VIRMA: variants seen among roughly 807,000 people sequenced by gnomAD.
VIRMA encodes the protein protein virilizer homolog.
Under a neutral mutation model 182.4 loss-of-function variants are expected in VIRMA, and 65 were observed. The observed-to-expected ratio is 0.36, with a 90% CI of 0.29 to 0.44. The LOEUF is 0.44. VIRMA is among the 20% of genes least tolerant of loss of function. The pLI is 1.00. For missense variants in VIRMA, 1,752 were observed against 2,158.1 expected, an observed-to-expected ratio of 0.81 and a Z score of 3.73; for synonymous variants, 709 against 743.1, an observed-to-expected ratio of 0.95 and a Z score of 0.75.
intron 20 of VIRMA, among the ~76,000 whole-genome samples, chr8:94,494,225 A>G (rs1330050049): frequency 6.6e-6 from 1 of 151,860 alleles, no homozygotes; most frequent in Non-Finnish European, 1.5e-5. Context: ...GAGGCCAAAG[A>G]GAGAGGATTG....
Position 94,526,240 on chromosome 8 carries a change from T to A in VIRMA, c.2004A>T (p.Pro668=). The A allele has an allele frequency of 1.9e-6, 3 of 1,610,050 alleles. No individual in the cohort carries two copies. Among genetic ancestry groups the A allele is most frequent in the Non-Finnish European group, 2.5e-6 (3 of 1,178,152 alleles). Residue 668 remains proline (P), a synonymous_variant, in exon 8 of 24, where the codon CCA becomes CCT. Coordinates refer to ENST00000297591, the MANE Select transcript of VIRMA (RefSeq NM_015496.5). ...RITGPPERDD[P]YPVLFRYLHS... ...TGTCTTACCTAAAGAGAACAGGGTATGGATCATCCCTCTCTGGAGGTCCAG... is the reference window on the plus strand; with the variant it reads ...TGTCTTACCTAAAGAGAACAGGGTAAGGATCATCCCTCTCTGGAGGTCCAG...
chr8:94,495,688 T>TA, intron 19 of VIRMA, 43 bp downstream of exon 19: 1 of 1,572,218 alleles, frequency 6.4e-7, no homozygotes, highest in Non-Finnish European at 8.7e-7. Context: ...ACAGCCATTT[T>TA]AAAACCAACA....
At chr8:94,514,024 A>C (rs906297159) in intron 11 of VIRMA, among the ~76,000 whole-genome samples, 3 of 152,218 alleles carry the variant, frequency 2.0e-5, no homozygotes, top group African/African-American at 7.2e-5. Context: ...AACAATATAC[A>C]AAAATTATTT....
chr8:94,501,147 T>A (rs1165830253), intron 16 of VIRMA, among the ~76,000 whole-genome samples: 1 of 149,322 alleles, frequency 6.7e-6, no homozygotes, highest in Non-Finnish European at 1.5e-5. Context: ...TCCCAGCTAC[T>A]CGGGAGGCTG....
In VIRMA at chr8:94,519,469, G is replaced by C. The variant is rs138508655; in HGVS notation, c.2029C>G (p.His677Asp). The C allele has an allele frequency of 6.6e-7, 1 of 1,522,322 alleles. No homozygotes were observed. The highest frequency in any genetic ancestry group is 8.8e-7 in the Non-Finnish European group (1 of 1,138,936). The allele number at this position is 1,522,322 out of a possible 1,614,324, so 94.3% of individuals were successfully genotyped here. The change falls in exon 9 of 24, where the codon CAC (histidine) becomes GAC (aspartate). Residue 677 changes from histidine (H) to aspartate (D), a missense_variant. By Grantham distance (81) the His-to-Asp change is moderately conservative. Coordinates refer to ENST00000297591, the MANE Select transcript of VIRMA (RefSeq NM_015496.5). Reference sequence around the variant, plus strand: ...ACCAACTCCAAGAAGTGATGACTGTGAAGATATCTGTGGAAGAGTTAATTG... The same window carrying C: ...ACCAACTCCAAGAAGTGATGACTGTCAAGATATCTGTGGAAGAGTTAATTG... ...DPYPVLFRYL[H>D]SHHFLELVTL...
chr8:94,545,830 G>A (rs1192968928), intron 1 of VIRMA, among the ~76,000 whole-genome samples: 2 of 152,254 alleles, frequency 1.3e-5, no homozygotes, highest in South Asian at 2.1e-4. Flanking sequence ...TGAGGCAGGA[G>A]GATCACTTGA....
At chr8:94,510,134 T>G (rs1397696546) in intron 14 of VIRMA, among the ~76,000 whole-genome samples, 194 bp from the exon 15 acceptor site, 1 of 152,208 alleles carries the variant, frequency 6.6e-6, no homozygotes, top group African/African-American at 2.4e-5. Context: ...TCTAATAATA[T>G]ATTTTCTTAA....
intron 1 of VIRMA, among the ~76,000 whole-genome samples, chr8:94,544,362 T>C (rs1815684496): frequency 2.0e-5 from 3 of 152,096 alleles, no homozygotes. Flanking sequence ...CAGCCACACG[T>C]ATCAACATTC....
In VIRMA at chr8:94,527,082, G is replaced by C; in HGVS notation, c.1162C>G (p.Leu388Val). The C allele has an allele frequency of 6.2e-7, 1 of 1,614,120 alleles. No homozygotes were observed. The highest frequency in any genetic ancestry group is 8.5e-7 in the Non-Finnish European group (1 of 1,180,008). ...AIEASVKLTE[L>V]LDLYREDRGA... ...CTATCTTCTCTATACAAATCTAAGA[G>C]TTCTGTTAACTTCACTGAGGCTTCG... The change falls in exon 8 of 24, where the codon CTC becomes GTC. Residue 388 changes from leucine to valine, a missense_variant. This residue lies in a region of VIRMA where 401 missense variants were observed against 455.1 expected (regional missense o/e 0.88). Transcript: ENST00000297591.
intron 11 of VIRMA, among the ~76,000 whole-genome samples, chr8:94,512,921 C>T (rs1389092569): frequency 6.6e-6 from 1 of 152,186 alleles, no homozygotes; most frequent in Non-Finnish European, 1.5e-5. Context: ...AGGTGGGGCA[C>T]AGGTTAGAGG....
At chr8:94,534,708 C>T in intron 5 of VIRMA, 131 bp downstream of exon 5, 2 of 1,032,856 alleles carry the variant, frequency 1.9e-6, no homozygotes, top group South Asian at 1.6e-5. Flanking sequence ...TCCCTCTCTC[C>T]CCCTCTCTTC....
chr8:94,519,022 T>A lies in VIRMA; in HGVS notation c.2476A>T (p.Ile826Phe). Residue 826 changes from isoleucine to phenylalanine, a missense_variant, in exon 9 of 24, where the codon ATT becomes TTT. Around this residue, in one of 11 missense-constraint regions of VIRMA, gnomAD observed 777 missense variants for 920.6 expected, o/e 0.84. Transcript: ENST00000297591. ...TTGGAATAGTACTCCATTAGAGTAATAAGACTTTGGAGATTTTTCTCCAGA... is the reference window on the plus strand; with the variant it reads ...TTGGAATAGTACTCCATTAGAGTAAAAAGACTTTGGAGATTTTTCTCCAGA... ...FSLEKNLQSL[I>F]TLMEYYSKEA... The A allele has an allele frequency of 6.2e-7, 1 of 1,613,574 alleles. No individual in the cohort carries two copies. The highest frequency in any genetic ancestry group is 8.5e-7 in the Non-Finnish European group (1 of 1,179,820).
At chr8:94,488,922 C>A in intron 23 of VIRMA, 62 bp from the exon 24 acceptor site, 1 of 1,543,942 alleles carries the variant, frequency 6.5e-7, no homozygotes, top group East Asian at 2.3e-5. Context: ...ATTATAAATA[C>A]TAATCTACGA....
Position 94,543,956 on chromosome 8 carries a change from A to G in VIRMA, c.64-14T>C. On this transcript the variant is annotated splice_polypyrimidine_tract_variant and intron_variant, in intron 1 of 23. Transcript: ENST00000297591. ...ATGAGAACTTTGCTGTAACAAAAAA[A>G]AAGCCGGAGGGGGAGGGGTTCGGAA... 6.9e-7 allele frequency: 1 copy of G among 1,446,334 alleles called. No homozygotes were observed. The highest frequency in any genetic ancestry group is 2.3e-5 in the East Asian group (1 of 44,102). The allele number at this position is 1,446,334 out of a possible 1,614,324, so 89.6% of individuals were successfully genotyped here. A position where few individuals can be genotyped will look rare whatever the true frequency, so the allele number is the denominator to read the frequency against.
chr8:94,495,980 A>G lies in VIRMA; in HGVS notation c.4384-89T>C, dbSNP rs1449206951. The G allele has an allele frequency of 3.6e-5, 41 of 1,141,174 alleles. No homozygotes were observed. The East Asian group carries it at 9.6e-4, about 27-fold the overall frequency. 70.7% of individuals were successfully genotyped at this position (1,141,174 alleles called of 1,614,324 possible). On this transcript the variant is annotated intron_variant, in intron 18 of 23. Transcript: ENST00000297591. ...CTCTTTCGTAGAAAAGGCTATATGT[A>G]TTATTACTAAGAAATTTGGAACACT...
At position 94,522,471 on chromosome 8, in the gene VIRMA, T is replaced by TA. The variant is rs549914075; in HGVS notation, c.2022-2996dup. The stretch of plus-strand genomic sequence containing the variant: ...TCTTGGGGAACCTGACATAGGACAA[T>TA]AGAGCCTTGCCACCACTTCAAAAAC... On this transcript the variant is annotated intron_variant, in intron 8 of 23. Transcript: ENST00000297591. Among the ~76,000 whole-genome samples, 30 of 152,286 alleles carry TA rather than the reference T, an allele frequency of 2.0e-4. No individual in the cohort carries two copies. The East Asian group carries it at 5.6e-3, about 28-fold the overall frequency.
In VIRMA at chr8:94,531,066, A is replaced by G. The variant is rs897804705; in HGVS notation, c.504T>C (p.Asp168=). ...NPKHADGEKE[D]QFNGSPPRPQ... Reference sequence around the variant, plus strand: ...GTCTTGGAGGGCTTCCATTAAACTGATCTTCTTTCTCCCCATCAGCTAGTG... The same window carrying G: ...GTCTTGGAGGGCTTCCATTAAACTGGTCTTCTTTCTCCCCATCAGCTAGTG... The change falls in exon 6 of 24, where the codon GAT becomes GAC. Residue 168 remains aspartate, a synonymous_variant. Coordinates refer to ENST00000297591, the MANE Select transcript of VIRMA (RefSeq NM_015496.5). 1 of 1,574,086 alleles carries G rather than the reference A, an allele frequency of 6.4e-7. No homozygotes were observed. Among genetic ancestry groups the G allele is most frequent in the Admixed American group, 1.9e-5 (1 of 51,860 alleles).
chr8:94,545,039 C>T (rs1815714083), intron 1 of VIRMA, among the ~76,000 whole-genome samples: 1 of 151,854 alleles, frequency 6.6e-6, no homozygotes, highest in Admixed American at 6.6e-5. Flanking sequence ...GTAGGAGGAT[C>T]ACTTGAGCCC....
intron 8 of VIRMA, among the ~76,000 whole-genome samples, chr8:94,525,831 A>C (rs1470201722): frequency 6.6e-6 from 1 of 152,212 alleles, no homozygotes; most frequent in Non-Finnish European, 1.5e-5. Context: ...GTAAAATATA[A>C]TTTTAACTTA....
Sources: gnomAD v4.1 joint callset for allele counts (sites outside exome capture counted in the v4.1 genomes callset) on GRCh38, gnomAD v4.1.1 for gene constraint, gnomAD v4.1.1 regional missense constraint, MANE v1.5 for transcripts, NCBI Gene and HGNC (gene_info 2026-07-23, HGNC 2026-07-21) for gene names.